The following CFAP20DC variants were observed in gnomAD, a reference collection of about 807,000 sequenced individuals.
The protein encoded by CFAP20DC is CFAP20 domain containing.
CFAP20DC carries 84 observed loss-of-function variants against 101.7 expected under a neutral mutation model. The ratio of observed to expected loss-of-function variants is 0.83; its 90% CI spans 0.69 to 0.99. CFAP20DC has a LOEUF of 0.99. Among genes scored for constraint, CFAP20DC ranks in the 50% least tolerant of loss-of-function variants. The pLI is 0.00. For synonymous variants in CFAP20DC, 359 were observed against 351.2 expected (o/e 1.02, Z -0.25); for missense variants, 1,007 against 970.3 (o/e 1.04, Z -0.50).
At chr3:58,776,176 T>C (rs1024341242) in intron 15 of CFAP20DC, among the ~76,000 whole-genome samples, 2 of 152,282 alleles carry the variant, frequency 1.3e-5, no homozygotes, top group Admixed American at 6.5e-5. Context: ...CAGTCCACTC[T>C]TGGAATTTTG....
intron 6 of CFAP20DC, among the ~76,000 whole-genome samples, chr3:58,886,223 T>C (rs1471843800): frequency 6.6e-6 from 1 of 152,164 alleles, no homozygotes; most frequent in Non-Finnish European, 1.5e-5. Flanking sequence ...TAAGCGTTTA[T>C]AATTTCTGAA....
At chr3:58,857,334 T>C (rs570111358) in intron 12 of CFAP20DC, among the ~76,000 whole-genome samples, 2 of 152,340 alleles carry the variant, frequency 1.3e-5, no homozygotes, top group African/African-American at 4.8e-5. Flanking sequence ...GTACAGCCTT[T>C]TCTTCCTTCT....
intron 5 of CFAP20DC, among the ~76,000 whole-genome samples, chr3:58,925,292 T>C (rs2085828076): frequency 6.6e-6 from 1 of 152,232 alleles, no homozygotes; most frequent in Admixed American, 6.5e-5. Flanking sequence ...AAAATTAATT[T>C]ACTTACAATC....
At position 58,912,478 on chromosome 3, in the gene CFAP20DC, C is replaced by A. The variant is rs1466854381; in HGVS notation, c.550+1230G>T. 2 of 295,604 alleles carry A rather than the reference C, an allele frequency of 6.8e-6. No individual in the cohort carries two copies. The highest frequency in any genetic ancestry group is 1.3e-5 in the Non-Finnish European group (2 of 149,810). 18.3% of individuals were successfully genotyped at this position (295,604 alleles called of 1,614,324 possible). A position where few individuals can be genotyped will look rare whatever the true frequency, so the allele number is the denominator to read the frequency against. On this transcript the variant is annotated intron_variant, in intron 6 of 16. Transcript: ENST00000482387. The surrounding 1 kb of genome is among the most constrained non-coding windows in gnomAD (Gnocchi z 4.4). The stretch of plus-strand genomic sequence containing the variant: ...AATTTATAGGCACAGTGTCCTGTTC[C>A]ACAGAGTGAGCCACATCAAGATTTC...
At chr3:58,852,068 C>G (rs1464642119) in intron 12 of CFAP20DC, among the ~76,000 whole-genome samples, 1 of 152,142 alleles carries the variant, frequency 6.6e-6, no homozygotes, top group Non-Finnish European at 1.5e-5. Flanking sequence ...TTGCCATGAC[C>G]TTTGCTGCTG....
chr3:58,816,944 A>T (rs962814246), intron 14 of CFAP20DC, among the ~76,000 whole-genome samples: 5 of 152,338 alleles, frequency 3.3e-5, no homozygotes, highest in African/African-American at 9.6e-5. Context: ...TGGAGATCTG[A>T]GAACCAGCAG....
chr3:58,722,215 C>T lies in CFAP20DC; in HGVS notation c.198-4587G>A, dbSNP rs895943850. Reference sequence around the variant, plus strand: ...GCCCAGGCACCAGGCATGTGAGAAGCCTCCCAGTGATTCCAGCCACCAAGT... The same window carrying T: ...GCCCAGGCACCAGGCATGTGAGAAGTCTCCCAGTGATTCCAGCCACCAAGT... On this transcript the variant is annotated intron_variant, in intron 3 of 3. Coordinates refer to the CFAP20DC transcript ENST00000486145. This position sits in a 1 kb window ranked among gnomAD's most constrained non-coding sequence, Gnocchi z 4.5. Among the ~76,000 whole-genome samples, 4 of 152,142 alleles carry T rather than the reference C, an allele frequency of 2.6e-5. No individual in the cohort carries two copies. Among genetic ancestry groups the T allele is most frequent in the Admixed American group, 1.3e-4 (2 of 15,276 alleles).
At position 58,914,127 on chromosome 3, in the gene CFAP20DC, G is replaced by C. The variant is rs965980935; in HGVS notation, c.394-263C>G. On this transcript the variant is annotated intron_variant, in intron 5 of 16. Transcript: ENST00000482387. This position sits in a 1 kb window ranked among gnomAD's most constrained non-coding sequence, Gnocchi z 4.9. ...CATGAGACAAGACTATGACAACTTTGGGAAATAACTCTCTATCTGTAGGCA... is the reference window on the plus strand; with the variant it reads ...CATGAGACAAGACTATGACAACTTTCGGAAATAACTCTCTATCTGTAGGCA... Among the ~76,000 whole-genome samples, 2 of 152,112 alleles carry C rather than the reference G, an allele frequency of 1.3e-5. No homozygotes were observed. The highest frequency in any genetic ancestry group is 2.9e-5 in the Non-Finnish European group (2 of 68,012).
intron 4 of CFAP20DC, chr3:58,953,711 C>A (rs1163013551): frequency 1.3e-5 from 2 of 152,108 alleles, no homozygotes; most frequent in Non-Finnish European, 2.9e-5. Context: ...AGCTTCATTA[C>A]ACTTATGTGC....
rs527254827 is a variant in CFAP20DC at position 58,746,765 on chromosome 3, C to T, written c.2333-4193G>A. 4.6e-5 allele frequency among the ~76,000 whole-genome samples: 7 copies of T among 152,136 alleles called. No homozygotes were observed. In the East Asian group the frequency reaches 1.2e-3, roughly 25 times the overall value. ...AAAACTACCAACAATGACATTCATA[C>T]AAAAATTGGGTGAGATTATGTATAA... On this transcript the variant is annotated intron_variant, in intron 16 of 16. Transcript: ENST00000482387.
At chr3:59,010,568 T>C (rs1012338343) in intron 4 of CFAP20DC, among the ~76,000 whole-genome samples, 4 of 152,072 alleles carry the variant, frequency 2.6e-5, no homozygotes, top group African/African-American at 9.7e-5. Context: ...CAACAATTAC[T>C]ACTAGGCCTA....
intron 4 of CFAP20DC, among the ~76,000 whole-genome samples, chr3:58,945,103 T>G (rs2089167569): frequency 6.6e-6 from 1 of 152,348 alleles, no homozygotes; most frequent in East Asian, 1.9e-4. Context: ...ACAAGATATC[T>G]ACTATTATTA....
In CFAP20DC at chr3:58,912,373, C is replaced by G. The variant is rs1406846536; in HGVS notation, c.550+1335G>C. On this transcript the variant is annotated intron_variant, in intron 6 of 16. Coordinates refer to ENST00000482387, the MANE Select transcript of CFAP20DC (RefSeq NM_001394063.1). The surrounding 1 kb of genome is among the most constrained non-coding windows in gnomAD (Gnocchi z 4.4). ...TTCTCGTATAGTCTGTAAGTGGGTA[C>G]ATAAGATGAGCAGCCACACTGTGGT... Among the ~76,000 whole-genome samples the G allele has an allele frequency of 6.6e-6, 1 of 152,126 alleles. No individual in the cohort carries two copies. Among genetic ancestry groups the G allele is most frequent in the African/African-American group, 2.4e-5 (1 of 41,446 alleles).
intron 4 of CFAP20DC, among the ~76,000 whole-genome samples, chr3:58,959,613 C>T (rs890097132): frequency 1.3e-5 from 2 of 152,212 alleles, no homozygotes; most frequent in Non-Finnish European, 2.9e-5. Flanking sequence ...CATGCTGCTG[C>T]ATTGATCTAC....
At chr3:58,750,786 T>C (rs2068510895) in intron 16 of CFAP20DC, among the ~76,000 whole-genome samples, 1 of 152,230 alleles carries the variant, frequency 6.6e-6, no homozygotes, top group Admixed American at 6.5e-5. Flanking sequence ...GCAGAGCTTT[T>C]ATCTCTTCCA....
chr3:58,740,693 T>TC (rs2067861100), downstream of CFAP20DC, among the ~76,000 whole-genome samples: 1 of 152,162 alleles, frequency 6.6e-6, no homozygotes, highest in African/African-American at 2.4e-5. This position sits in a 1 kb window ranked among gnomAD's most constrained non-coding sequence, Gnocchi z 4.6. Flanking sequence ...ATTTTTTTTT[T>TC]CTTCATCTAG....
intron 4 of CFAP20DC, among the ~76,000 whole-genome samples, chr3:58,974,268 C>T (rs775395827): frequency 2.3e-4 from 35 of 152,090 alleles, no homozygotes; most frequent in Non-Finnish European, 4.0e-4. Context: ...CCACCTTCCC[C>T]CTACTAGTAG....
intron 15 of CFAP20DC, among the ~76,000 whole-genome samples, chr3:58,771,885 C>A (rs2070881913): frequency 6.6e-6 from 1 of 152,182 alleles, no homozygotes; most frequent in African/African-American, 2.4e-5. Context: ...GGTATATAGT[C>A]TTCTGGGTCT....
At chr3:58,884,341 G>A (rs991165667) in intron 7 of CFAP20DC, among the ~76,000 whole-genome samples, 3 of 152,080 alleles carry the variant, frequency 2.0e-5, no homozygotes, top group South Asian at 2.1e-4. Context: ...TCAGGCAACC[G>A]GCCCACTTTA....
Sources: gnomAD v4.1 joint callset for allele counts (sites outside exome capture counted in the v4.1 genomes callset) on GRCh38, gnomAD v4.1.1 for gene constraint, Gnocchi (gnomAD v3.1) non-coding constraint, MANE v1.5 for transcripts, NCBI Gene and HGNC (gene_info 2026-07-23, HGNC 2026-07-21) for gene names.